Variants in NMUR1 observed in about 807,000 individuals in gnomAD.
The protein encoded by NMUR1 is neuromedin-U receptor 1.
Under a neutral mutation model 18.8 loss-of-function variants are expected in NMUR1, and 16 were observed. The observed-to-expected ratio is 0.85, with a 90% CI of 0.58 to 1.29. The LOEUF (loss-of-function observed/expected upper bound fraction) is 1.29. NMUR1 is among the 50% of genes most tolerant of loss of function. The probability of loss-of-function intolerance (pLI) is 0.00; values close to 1 mark genes in which losing one functional copy is unlikely to be tolerated. For synonymous variants in NMUR1, 258 were observed against 258.2 expected (o/e 1.00, Z 0.01); for missense variants, 529 against 580.3 (o/e 0.91, Z 0.91).
At position 231,528,999 on chromosome 2, in the gene NMUR1, A is replaced by C; in HGVS notation, c.22T>G (p.Cys8Gly). Reference sequence around the variant, plus strand: ...TACAGGTCTCCAGGGAGGACAGAGCAATTGAGGCAGAGAGGAGTCTGTGGA... The same window carrying C: ...TACAGGTCTCCAGGGAGGACAGAGCCATTGAGGCAGAGAGGAGTCTGTGGA... MTPLCLN[C>G]SVLPGDLYPG... Residue 8 changes from cysteine (C) to glycine (G), a missense_variant, in exon 2 of 3, where the codon TGC (cysteine) becomes GGC (glycine). Physicochemically the swap from Cys to Gly is radical, Grantham distance 159. Coordinates refer to ENST00000305141, the MANE Select transcript of NMUR1 (RefSeq NM_006056.5). 1 of 1,608,092 alleles carries C rather than the reference A, an allele frequency of 6.2e-7. No individual in the cohort carries two copies. The highest frequency in any genetic ancestry group is 8.5e-7 in the Non-Finnish European group (1 of 1,175,756).
chr2:231,528,735 T>C lies in NMUR1; in HGVS notation c.286A>G (p.Asn96Asp). 1.2e-6 allele frequency: 2 copies of C among 1,614,210 alleles called. No homozygotes were observed. The highest frequency in any genetic ancestry group is 2.2e-5 in the South Asian group (2 of 91,086). ...ACGGCCAGGCTGAAGAGGTAGTAGT[T>C]GGTAGGCGTGCGCATGGCCTTGTGG... ...LRHKAMRTPT[N>D]YYLFSLAVSD... Residue 96 changes from asparagine (N) to aspartate (D), a missense_variant, in exon 2 of 3, where the codon AAC becomes GAC. Physicochemically the swap from Asn to Asp is conservative, Grantham distance 23. Coordinates refer to ENST00000305141, the MANE Select transcript of NMUR1 (RefSeq NM_006056.5).
rs777735963 is a variant in NMUR1 at position 231,525,234 on chromosome 2, G to C, written c.1090C>G (p.Arg364Gly). ...CACAGGGCCTCCTGGAAGGTCTCTC[G>C]GAAGCGGCTGGACATGAGGCTATAG... ...VLYSLMSSRF[R>G]ETFQEALCLG... The change falls in exon 3 of 3, where the codon CGA becomes GGA. Residue 364 changes from arginine (R) to glycine (G), a missense_variant. By Grantham distance (125) the Arg-to-Gly change is moderately radical (BLOSUM62 -2). Transcript: ENST00000305141. 2.5e-6 allele frequency: 4 copies of C among 1,614,154 alleles called. No individual in the cohort carries two copies. Among genetic ancestry groups the C allele is most frequent in the Non-Finnish European group, 3.4e-6 (4 of 1,180,020 alleles).
At chr2:231,525,516 C>G (rs2047347926) in intron 2 of NMUR1, 91 bp from the exon 3 acceptor site, 2 of 1,408,954 alleles carry the variant, frequency 1.4e-6, no homozygotes, top group African/African-American at 1.4e-5. Context: ...TTTTCACATC[C>G]TCTCCTATCC....
At position 231,528,966 on chromosome 2, in the gene NMUR1, C is replaced by T. The variant is rs1478399164; in HGVS notation, c.55G>A (p.Gly19Ser). ...SVLPGDLYPG[G>S]ARNPMACNGS... ...TTGCAAGCCATGGGGTTCCTTGCAC[C>T]CCCTGGGTACAGGTCTCCAGGGAGG... The change falls in exon 2 of 3, where the codon GGT becomes AGT. Residue 19 changes from glycine (G) to serine (S), a missense_variant. Coordinates refer to ENST00000305141, the MANE Select transcript of NMUR1 (RefSeq NM_006056.5). 1.2e-6 allele frequency: 2 copies of T among 1,613,824 alleles called. No homozygotes were observed. Among genetic ancestry groups the T allele is most frequent in the Admixed American group, 1.7e-5 (1 of 59,992 alleles).
rs373556272 is a variant in NMUR1, at chr2:231,528,314, G to A, written c.707C>T (p.Ala236Val). 3.0e-5 allele frequency: 48 copies of A among 1,613,008 alleles called. No individual in the cohort carries two copies. Among genetic ancestry groups the A allele is most frequent in the Middle Eastern group, 1.6e-4 (1 of 6,082 alleles). Residue 236 changes from alanine to valine, a missense_variant, in exon 2 of 3, where the codon GCG becomes GTG. Ala to Val is a moderately conservative substitution (Grantham distance 64, BLOSUM62 0). Coordinates refer to ENST00000305141, the MANE Select transcript of NMUR1 (RefSeq NM_006056.5). ...ALYNMVVQTT[A>V]LLFFCLPMAI... ...CATGGGCAGGCAGAAGAAGAGCAGC[G>A]CGGTGGTCTGCACTACCATGTTGTA...
At chr2:231,519,732 C>G (rs889949856), downstream of NMUR1, among the ~76,000 whole-genome samples, 1 of 152,234 alleles carries the variant, frequency 6.6e-6, no homozygotes, top group Non-Finnish European at 1.5e-5. Context: ...ACTCTACTAA[C>G]TCACAGTGTG....
Position 231,525,026 on chromosome 2 carries a change from C to G in NMUR1, c.*17G>C. The G allele has an allele frequency of 1.3e-6, 2 of 1,528,574 alleles. No individual in the cohort carries two copies. Among genetic ancestry groups the G allele is most frequent in the Non-Finnish European group, 1.8e-6 (2 of 1,141,756 alleles). The allele number at this position is 1,528,574 out of a possible 1,614,324, so 94.7% of individuals were successfully genotyped here. ...GACCCTCTGGCCCCTCCAGGTGAAG[C>G]CACTTTAAGGCTCCACTCAGGATGG... On this transcript the variant is annotated 3_prime_UTR_variant, in exon 3 of 3. Coordinates refer to ENST00000305141, the MANE Select transcript of NMUR1 (RefSeq NM_006056.5).
rs753324849 is a variant in NMUR1 at position 231,528,608 on chromosome 2, G to A, written c.413C>T (p.Thr138Met). The change falls in exon 2 of 3, where the codon ACG becomes ATG. Residue 138 changes from threonine to methionine, a missense_variant. Transcript: ENST00000305141. ...CAGGCAGACCATCTCAAACAGTAGCGTGCGGAAATAGCAGCCACCAACGCC... is the reference window on the plus strand; with the variant it reads ...CAGGCAGACCATCTCAAACAGTAGCATGCGGAAATAGCAGCCACCAACGCC... ...LLGVGGCYFR[T>M]LLFEMVCLAS... 7.4e-6 allele frequency: 12 copies of A among 1,614,076 alleles called. No individual in the cohort carries two copies. Among genetic ancestry groups the A allele is most frequent in the East Asian group, 2.2e-5 (1 of 44,904 alleles).
chr2:231,527,626 A>G (rs1031682848), intron 2 of NMUR1, among the ~76,000 whole-genome samples: 1 of 147,340 alleles, frequency 6.8e-6, no homozygotes, highest in Non-Finnish European at 1.5e-5. Context: ...TGACAGAGCA[A>G]GACCCTGTCT....
chr2:231,519,842 A>G (rs530266056), downstream of NMUR1, among the ~76,000 whole-genome samples: 226 of 152,362 alleles, frequency 1.5e-3, 3 homozygotes, highest in African/African-American at 5.0e-3. Context: ...CTGTAATCCC[A>G]GCACTTTGGG....
Position 231,528,545 on chromosome 2 carries a change from C to T in NMUR1, c.476G>A (p.Arg159His), listed in dbSNP as rs143243147. 1.7e-5 allele frequency: 27 copies of T among 1,613,886 alleles called. No homozygotes were observed. Among genetic ancestry groups the T allele is most frequent in the Admixed American group, 5.0e-5 (3 of 60,014 alleles). ...GAGTGGGTGCACCACGGCCACATAG[C>T]GTTCCACGCTCAGGGCAGTGACGTT... ...VLNVTALSVERYVAVVHPLQA... is the reference protein window; with the variant it reads ...VLNVTALSVEHYVAVVHPLQA... Residue 159 changes from arginine to histidine, a missense_variant, in exon 2 of 3, where the codon CGC (arginine) becomes CAC (histidine). Physicochemically the swap from Arg to His is conservative, Grantham distance 29. Transcript: ENST00000305141.
In NMUR1 at chr2:231,525,059, T is replaced by G. The variant is rs768610108; in HGVS notation, c.1265A>C (p.Glu422Ala). The change falls in exon 3 of 3, where the codon GAG becomes GCG. Residue 422 changes from glutamate (E) to alanine (A), a missense_variant. Physicochemically the swap from Glu to Ala is moderately radical, Grantham distance 107 (BLOSUM62 -1). Transcript: ENST00000305141. ...AGGCTCCACTCAGGATGGATCGGTCTCTTGCTGCGCCTCTGGGCCATCGTT... is the reference window on the plus strand; with the variant it reads ...AGGCTCCACTCAGGATGGATCGGTCGCTTGCTGCGCCTCTGGGCCATCGTT... ...AGNDGPEAQQ[E>A]TDPS The G allele has an allele frequency of 1.9e-5, 30 of 1,582,458 alleles. No individual in the cohort carries two copies. Among genetic ancestry groups the G allele is most frequent in the Non-Finnish European group, 2.3e-5 (27 of 1,164,614 alleles).
At chr2:231,520,630 T>G (rs1038246293), downstream of NMUR1, among the ~76,000 whole-genome samples, 2 of 152,208 alleles carry the variant, frequency 1.3e-5, no homozygotes, top group Non-Finnish European at 2.9e-5. Flanking sequence ...GTATATGTGC[T>G]GCTGAAGCCA....
chr2:231,528,863 C>G lies in NMUR1; in HGVS notation c.158G>C (p.Gly53Ala). The change falls in exon 2 of 3, where the codon GGG becomes GCG. Residue 53 changes from glycine to alanine, a missense_variant. Gly to Ala is a moderately conservative substitution (Grantham distance 60). Transcript: ENST00000305141. Reference protein sequence around the residue: ...TDEALRLKYLGPQQTELFMPI... With the variant: ...TDEALRLKYLAPQQTELFMPI... ...CATGAACAGCTCTGTCTGCTGGGGCCCCAGGTACTTGAGTCTCAGTGCCTC... is the reference window on the plus strand; with the variant it reads ...CATGAACAGCTCTGTCTGCTGGGGCGCCAGGTACTTGAGTCTCAGTGCCTC... 6.2e-7 allele frequency: 1 copy of G among 1,614,168 alleles called. No individual in the cohort carries two copies.
chr2:231,528,392 CG>C lies in NMUR1; in HGVS notation c.628del (p.Arg210GlyfsTer22), dbSNP rs1210688808. On this transcript the variant is annotated frameshift_variant, in exon 2 of 3. Transcript: ENST00000305141. LOFTEE classifies it high-confidence loss of function. Reference sequence around the variant, plus strand: ...AACAGCTGAGTCTGGCACTGGGCCCCGGCAGGGCACGTGCAGCTGCCGGATG... The same window carrying C: ...AACAGCTGAGTCTGGCACTGGGCCCCGCAGGGCACGTGCAGCTGCCGGATG... Reference protein sequence around the residue: ...HGIRQLHVPCRGPVPDSAVCM... With the variant: ...HGIRQLHVPCXGPVPDSAVCM... The C allele has an allele frequency of 1.2e-6, 2 of 1,613,602 alleles. No homozygotes were observed. Among genetic ancestry groups the C allele is most frequent in the Non-Finnish European group, 1.7e-6 (2 of 1,179,976 alleles).
chr2:231,518,547 A>G (rs1449562060), downstream of NMUR1, among the ~76,000 whole-genome samples: 1 of 152,232 alleles, frequency 6.6e-6, no homozygotes, highest in Admixed American at 6.5e-5. Flanking sequence ...TATGCAGGAA[A>G]ATGATGGAAT....
At chr2:231,520,032 G>C (rs1205404965), downstream of NMUR1, among the ~76,000 whole-genome samples, 1 of 152,192 alleles carries the variant, frequency 6.6e-6, no homozygotes, top group Non-Finnish European at 1.5e-5. Context: ...AGGAGGAGGA[G>C]GGGGATTAGA....
downstream of NMUR1, among the ~76,000 whole-genome samples, chr2:231,522,616 C>A (rs1421932209): frequency 6.6e-6 from 1 of 151,088 alleles, no homozygotes; most frequent in Non-Finnish European, 1.5e-5. Context: ...CTATCCCCCA[C>A]CCTCCCCCAA....
chr2:231,528,087 C>T (rs1453137769), intron 2 of NMUR1, 36 bp downstream of exon 2: 3 of 1,515,988 alleles, frequency 2.0e-6, no homozygotes, highest in Non-Finnish European at 2.6e-6. Context: ...ATACCCAGTG[C>T]CTGGCTCAGC....
Sources: gnomAD v4.1 joint callset for allele counts (sites outside exome capture counted in the v4.1 genomes callset) on GRCh38, gnomAD v4.1.1 for gene constraint, MANE v1.5 for transcripts, NCBI Gene and HGNC (gene_info 2026-07-23, HGNC 2026-07-21) for gene names.